MAP2K1: variants seen among roughly 807,000 people sequenced by gnomAD.
MAP2K1 encodes the protein dual specificity mitogen-activated protein kinase kinase 1.
MAP2K1 carries 16 observed loss-of-function variants against 46.3 expected under a neutral mutation model. The observed-to-expected ratio is 0.35, with a 90% CI of 0.23 to 0.52. The LOEUF (loss-of-function observed/expected upper bound fraction) is 0.52, where lower values mean the gene tolerates loss of function less well. MAP2K1 is among the 20% of genes least tolerant of loss of function. The pLI is 0.94. For missense variants in MAP2K1, 263 were observed against 497.1 expected (o/e 0.53, Z 4.48); for synonymous variants, 183 against 185.6 (o/e 0.99, Z 0.11).
intron 1 of MAP2K1, among the ~76,000 whole-genome samples, chr15:66,423,392 TC>T (rs756108502): frequency 1.3e-5 from 2 of 151,600 alleles, no homozygotes; most frequent in South Asian, 2.1e-4. Flanking sequence ...ATAAGGTTGT[TC>T]CCCCCCATCC....
chr15:66,425,739 G>A (rs571655328), intron 1 of MAP2K1, among the ~76,000 whole-genome samples: 46 of 152,296 alleles, frequency 3.0e-4, no homozygotes, highest in South Asian at 8.3e-4. Flanking sequence ...AAAGCCACTC[G>A]TGGGTTTTCT....
intron 5 of MAP2K1, among the ~76,000 whole-genome samples, chr15:66,449,209 C>T (rs1418066845): frequency 6.6e-6 from 1 of 151,970 alleles, no homozygotes; most frequent in African/African-American, 2.4e-5. Context: ...TTTATAATTG[C>T]CCAAAATTAG....
At chr15:66,414,213 C>T (rs1346159643) in intron 1 of MAP2K1, among the ~76,000 whole-genome samples, 1 of 118,502 alleles carries the variant, frequency 8.4e-6, no homozygotes. Context: ...AGGCAGACCT[C>T]ATAGGTTAAA....
chr15:66,410,786 A>G (rs1422977414), intron 1 of MAP2K1, among the ~76,000 whole-genome samples: 5 of 152,228 alleles, frequency 3.3e-5, no homozygotes, highest in African/African-American at 1.2e-4. Flanking sequence ...ACACACATAC[A>G]GTACAGTGAA....
chr15:66,477,778 G>A (rs1892790281), intron 5 of MAP2K1, among the ~76,000 whole-genome samples: 1 of 152,204 alleles, frequency 6.6e-6, no homozygotes, highest in South Asian at 2.1e-4. Context: ...CAATGGCACT[G>A]GGTGGGAGGA....
intron 1 of MAP2K1, among the ~76,000 whole-genome samples, chr15:66,405,707 A>G (rs897891984): frequency 1.3e-5 from 2 of 152,194 alleles, no homozygotes; most frequent in African/African-American, 4.8e-5. Flanking sequence ...CCTGGCCTTT[A>G]AACTAGATTC....
rs2140689849 is a variant in MAP2K1, at chr15:66,491,416, G to A, written c.*801G>A. On this transcript the variant is annotated 3_prime_UTR_variant, in exon 11 of 11. Coordinates refer to ENST00000307102, the MANE Select transcript of MAP2K1 (RefSeq NM_002755.4). ...CCCATATCCAAGTACCAATGCTGTT[G>A]TAAACAACGTGTATAGTGCCTAAAA... 1 of 229,218 alleles carries A rather than the reference G, an allele frequency of 4.4e-6. No homozygotes were observed. The highest frequency in any genetic ancestry group is 6.4e-5 in the East Asian group (1 of 15,748). The allele number at this position is 229,218 out of a possible 1,614,324, so 14.2% of individuals were successfully genotyped here.
chr15:66,388,546 T>C (rs2093348556), intron 1 of MAP2K1, among the ~76,000 whole-genome samples: 1 of 152,166 alleles, frequency 6.6e-6, no homozygotes, highest in Non-Finnish European at 1.5e-5. Flanking sequence ...TTTTAGAAAA[T>C]TTTATTTTTT....
intron 1 of MAP2K1, among the ~76,000 whole-genome samples, chr15:66,420,262 G>T (rs1305855108): frequency 6.6e-6 from 1 of 150,830 alleles, no homozygotes; most frequent in African/African-American, 2.4e-5. Context: ...ATGAACGAAT[G>T]AATGAATGAA....
chr15:66,491,177 C>T lies in MAP2K1; in HGVS notation c.*562C>T. On this transcript the variant is annotated 3_prime_UTR_variant, in exon 11 of 11. Coordinates refer to ENST00000307102, the MANE Select transcript of MAP2K1 (RefSeq NM_002755.4). ...CTCAGCAGTTGACATCCAAATCTAGCCAGAGCCCTTCACTGCCATGATAGC... is the reference window on the plus strand; with the variant it reads ...CTCAGCAGTTGACATCCAAATCTAGTCAGAGCCCTTCACTGCCATGATAGC... The T allele has an allele frequency of 3.7e-6, 1 of 271,576 alleles. No individual in the cohort carries two copies. Among genetic ancestry groups the T allele is most frequent in the South Asian group, 9.0e-5 (1 of 11,142 alleles). 16.8% of individuals were successfully genotyped at this position (271,576 alleles called of 1,614,324 possible). A position where few individuals can be genotyped will look rare whatever the true frequency, so the allele number is the denominator to read the frequency against.
At chr15:66,469,387 T>C (rs1892552087) in intron 5 of MAP2K1, among the ~76,000 whole-genome samples, 2 of 151,330 alleles carry the variant, frequency 1.3e-5, no homozygotes, top group Admixed American at 1.3e-4. Flanking sequence ...AAAAGCAGTT[T>C]AATAGCTGAG....
chr15:66,428,232 T>G (rs766312112), intron 1 of MAP2K1, among the ~76,000 whole-genome samples: 24 of 151,722 alleles, frequency 1.6e-4, no homozygotes, highest in South Asian at 1.0e-3. Flanking sequence ...CTTCCCTATA[T>G]TAGGGTTCAC....
At chr15:66,476,076 C>T (rs968151119) in intron 5 of MAP2K1, among the ~76,000 whole-genome samples, 1 of 152,086 alleles carries the variant, frequency 6.6e-6, no homozygotes, top group African/African-American at 2.4e-5. Flanking sequence ...ATAAAACCTC[C>T]TTGTTCATTT....
intron 10 of MAP2K1, 46 bp from the exon 11 acceptor site, chr15:66,490,452 GTTTT>G (rs756730939): frequency 2.9e-6 from 4 of 1,384,484 alleles, no homozygotes; most frequent in South Asian, 2.3e-5. Flanking sequence ...GGTGGGTTTT[GTTTT>G]TTTGTTTCTT....
At position 66,455,375 on chromosome 15, in the gene MAP2K1, T is replaced by C. The variant is rs530179757; in HGVS notation, c.568+10668T>C. 1.1e-4 allele frequency among the ~76,000 whole-genome samples: 17 copies of C among 152,310 alleles called. 1 individual carries two copies. The East Asian group carries it at 1.5e-3, about 14-fold the overall frequency. On this transcript the variant is annotated intron_variant, in intron 5 of 10. Transcript: ENST00000307102. ...CTAGGTAGGATTCTTCAAATAGAAGTTTTCATAGAATCTTGAAAAAGGCAA... is the reference window on the plus strand; with the variant it reads ...CTAGGTAGGATTCTTCAAATAGAAGCTTTCATAGAATCTTGAAAAAGGCAA...
chr15:66,453,198 A>T lies in MAP2K1; in HGVS notation c.568+8491A>T, dbSNP rs528251724. On this transcript the variant is annotated intron_variant, in intron 5 of 10. Coordinates refer to ENST00000307102, the MANE Select transcript of MAP2K1 (RefSeq NM_002755.4). ...TCCATTCCAAGGAGAGGGAGGTTTC[A>T]GCACACTCCTGGAACAACCAGCTTT... Among the ~76,000 whole-genome samples the T allele has an allele frequency of 9.2e-5, 14 of 152,338 alleles. No homozygotes were observed. The East Asian group carries it at 2.7e-3, about 29-fold the overall frequency.
intron 5 of MAP2K1, among the ~76,000 whole-genome samples, chr15:66,448,185 C>T (rs1891930838): frequency 2.0e-5 from 3 of 149,366 alleles, no homozygotes; most frequent in South Asian, 4.3e-4. Context: ...CCACTATTTC[C>T]CCCTTTCCCC....
rs140284282 is a variant in MAP2K1, at chr15:66,481,640, C to T, written c.569-115C>T. 228 of 1,205,552 alleles carry T rather than the reference C, an allele frequency of 1.9e-4. No individual in the cohort carries two copies. The African/African-American group carries it at 2.4e-3, about 12-fold the overall frequency. The allele number at this position is 1,205,552 out of a possible 1,614,324, so 74.7% of individuals were successfully genotyped here. The stretch of plus-strand genomic sequence containing the variant: ...GCCAAGGGCTGCCTCTGATGGCGGA[C>T]GGGGGTGTGGTCCTGGGACTCGTGG... On this transcript the variant is annotated intron_variant, in intron 5 of 10. Coordinates refer to ENST00000307102, the MANE Select transcript of MAP2K1 (RefSeq NM_002755.4).
intron 1 of MAP2K1, among the ~76,000 whole-genome samples, chr15:66,390,792 C>G (rs2093354557): frequency 6.6e-6 from 1 of 152,130 alleles, no homozygotes; most frequent in South Asian, 2.1e-4. Context: ...CCCCACCACC[C>G]CCTCCCACCA....
Sources: allele counts gnomAD v4.1 joint callset (sites outside exome capture counted in the v4.1 genomes callset), GRCh38; gene constraint gnomAD v4.1.1; transcripts MANE v1.5; gene names NCBI Gene and HGNC (gene_info 2026-07-23, HGNC 2026-07-21).